OTUD6B: variants seen among roughly 807,000 people sequenced by gnomAD.
OTUD6B encodes OTU deubiquitinase 6B, also known as deubiquitinase OTUD6B.
OTUD6B carries 41 observed loss-of-function variants against 36.9 expected under a neutral mutation model. The ratio of observed to expected loss-of-function variants is 1.11; its 90% CI spans 0.87 to 1.44. OTUD6B has a LOEUF of 1.44. Ranked by LOEUF, OTUD6B falls within the 40% of genes most tolerant of loss-of-function variation. OTUD6B has a pLI of 0.00. For missense variants in OTUD6B, 356 were observed against 344.8 expected (o/e 1.03, Z -0.26); for synonymous variants, 114 against 114.2 (o/e 1.00, Z 0.01).
At chr8:91,075,672 GT>G (rs1297835266) in intron 3 of OTUD6B, among the ~76,000 whole-genome samples, 1 of 152,004 alleles carries the variant, frequency 6.6e-6, no homozygotes, top group East Asian at 1.9e-4. Context: ...CCCAAGTAAT[GT>G]TTTTACAGGG....
In OTUD6B at chr8:91,078,597, A is replaced by G. The variant is rs1064797103; in HGVS notation, c.557A>G (p.Tyr186Cys). Residue 186 changes from tyrosine to cysteine, a missense_variant, in exon 4 of 7, where the codon TAT becomes TGT. Transcript: ENST00000404789. ...GCCTTGAGAAGTCAGACCGCTGAGT[A>G]TATGCAAAGCCATGTGGAAGACTTT... ...VVALRSQTAE[Y>C]MQSHVEDFLP... 2 of 1,603,622 alleles carry G rather than the reference A, an allele frequency of 1.2e-6. No homozygotes were observed. The highest frequency in any genetic ancestry group is 2.2e-5 in the South Asian group (2 of 89,244).
Position 91,078,464 on chromosome 8 carries a change from T to A in OTUD6B, c.424T>A (p.Leu142Met). Residue 142 changes from leucine (L) to methionine (M), a missense_variant, in exon 4 of 7, where the codon TTG becomes ATG. Leu to Met is a conservative substitution (Grantham distance 15, BLOSUM62 2). Coordinates refer to ENST00000404789, the MANE Select transcript of OTUD6B (RefSeq NM_016023.5). ...GGAAAGTGAGAAACTTGCTCAAATA[T>A]TGGCAGCTAGACAGTTAGAAATTAA... ...HMESEKLAQI[L>M]AARQLEIKQI... 1.2e-6 allele frequency: 2 copies of A among 1,606,072 alleles called. No homozygotes were observed. The highest frequency in any genetic ancestry group is 1.7e-6 in the Non-Finnish European group (2 of 1,175,796).
chr8:91,080,090 C>T (rs1812872933), intron 4 of OTUD6B, among the ~76,000 whole-genome samples: 1 of 152,080 alleles, frequency 6.6e-6, no homozygotes, highest in South Asian at 2.1e-4. Context: ...TTTCTCAGGG[C>T]TGATGTGAAA....
chr8:91,073,725 G>A, intron 2 of OTUD6B, 106 bp from the exon 3 acceptor site: 1 of 1,356,398 alleles, frequency 7.4e-7, no homozygotes, highest in Non-Finnish European at 9.7e-7. Flanking sequence ...ATCTAATACA[G>A]TGTCTATTGC....
intron 6 of OTUD6B, 37 bp downstream of exon 6, chr8:91,084,151 CAATT>C: frequency 8.8e-7 from 1 of 1,142,418 alleles, no homozygotes; most frequent in Non-Finnish European, 1.2e-6. Flanking sequence ...TTATTTTTCA[CAATT>C]AATACAAAAA....
intron 1 of OTUD6B, 101 bp from the exon 2 acceptor site, chr8:91,071,037 T>A (rs1812685071): frequency 1.3e-6 from 2 of 1,529,986 alleles, no homozygotes; most frequent in Non-Finnish European, 8.7e-7. Context: ...CATAATTACT[T>A]TTTCTGTACC....
At chr8:91,075,131 A>G (rs868373423) in intron 3 of OTUD6B, among the ~76,000 whole-genome samples, 1 of 152,012 alleles carries the variant, frequency 6.6e-6, no homozygotes, top group Admixed American at 6.6e-5. Context: ...CCTAAAAGCA[A>G]TGTCTTTTTT....
At chr8:91,083,613 A>G (rs986277083) in intron 5 of OTUD6B, among the ~76,000 whole-genome samples, 42 of 152,208 alleles carry the variant, frequency 2.8e-4, no homozygotes, top group East Asian at 1.9e-4. Context: ...GACAGGTCAC[A>G]GTTCAAACTT....
chr8:91,081,387 CA>C (rs778501268), intron 5 of OTUD6B, among the ~76,000 whole-genome samples: 2 of 150,594 alleles, frequency 1.3e-5, no homozygotes, highest in South Asian at 2.1e-4. Context: ...AACAAACAAA[CA>C]AAAAAAACAG....
At chr8:91,081,066 GAAGTA>G (rs752083148) in intron 5 of OTUD6B, among the ~76,000 whole-genome samples, 6 of 151,832 alleles carry the variant, frequency 4.0e-5, no homozygotes, top group Non-Finnish European at 8.8e-5. Flanking sequence ...AAATTTTACT[GAAGTA>G]AAGTAAAATT....
intron 5 of OTUD6B, among the ~76,000 whole-genome samples, chr8:91,081,791 T>A (rs182223254): frequency 2.6e-5 from 4 of 152,310 alleles, no homozygotes; most frequent in African/African-American, 4.8e-5. Flanking sequence ...AATCTTTTTC[T>A]TAGTACTGCT....
At position 91,074,389 on chromosome 8, in the gene OTUD6B, A is replaced by G. The variant is rs1307024782; in HGVS notation, c.315+478A>G. 4.6e-5 allele frequency among the ~76,000 whole-genome samples: 7 copies of G among 152,154 alleles called. No individual in the cohort carries two copies. In the East Asian group the frequency reaches 1.2e-3, roughly 25 times the overall value. On this transcript the variant is annotated intron_variant, in intron 3 of 6. Coordinates refer to ENST00000404789, the MANE Select transcript of OTUD6B (RefSeq NM_016023.5). ...AACCTAGAAGTTAACATGTGTAGGT[A>G]TACAAAATTCTTAGAGAATTATGTA...
chr8:91,072,079 T>C (rs1302011397), intron 2 of OTUD6B, among the ~76,000 whole-genome samples: 1 of 152,242 alleles, frequency 6.6e-6, no homozygotes, highest in Non-Finnish European at 1.5e-5. Context: ...TACTGATGTT[T>C]CTTGGGTAAG....
At chr8:91,084,733 G>T in intron 6 of OTUD6B, 51 bp from the exon 7 acceptor site, 1 of 1,331,744 alleles carries the variant, frequency 7.5e-7, no homozygotes, top group Non-Finnish European at 1.0e-6. Context: ...TATATATATA[G>T]AAAAATTGCT....
intron 2 of OTUD6B, among the ~76,000 whole-genome samples, chr8:91,071,780 T>C (rs918588009): frequency 1.3e-5 from 2 of 152,214 alleles, no homozygotes; most frequent in Admixed American, 6.5e-5. Flanking sequence ...ATAAGGGAGA[T>C]CGGCAAAGAA....
At chr8:91,072,198 G>A (rs1215116085) in intron 2 of OTUD6B, among the ~76,000 whole-genome samples, 2 of 152,128 alleles carry the variant, frequency 1.3e-5, no homozygotes, top group Non-Finnish European at 2.9e-5. Context: ...TTTAACCTCA[G>A]TAACACACTG....
rs549395061 is a variant in OTUD6B, at chr8:91,080,637, T to C, written c.629-32T>C. Reference sequence around the variant, plus strand: ...TTTGTAACATGAGTTACAAAAATTATTAAGTGCTGTATTCTGACCTAATCT... The same window carrying C: ...TTTGTAACATGAGTTACAAAAATTACTAAGTGCTGTATTCTGACCTAATCT... On this transcript the variant is annotated intron_variant, in intron 4 of 6. Transcript: ENST00000404789. The C allele has an allele frequency of 9.6e-6, 15 of 1,561,478 alleles. No homozygotes were observed. The Middle Eastern group carries it at 6.7e-4, about 70-fold the overall frequency.
intron 4 of OTUD6B, 175 bp downstream of exon 4, chr8:91,078,843 C>T (rs1488233214): frequency 6.7e-6 from 3 of 450,644 alleles, no homozygotes; most frequent in African/African-American, 2.0e-5. Flanking sequence ...GTGTATTTTT[C>T]TCTATTAAGA....
chr8:91,087,093 A>AG (rs1813031998), downstream of OTUD6B: 1 of 152,134 alleles, frequency 6.6e-6, no homozygotes, highest in African/African-American at 2.4e-5. Context: ...AATTAAATCA[A>AG]CATTTATTTG....
Sources: allele counts gnomAD v4.1 joint callset (sites outside exome capture counted in the v4.1 genomes callset), GRCh38; gene constraint gnomAD v4.1.1; transcripts MANE v1.5; gene names NCBI Gene and HGNC (gene_info 2026-07-23, HGNC 2026-07-21).